TM6SF1: variants seen among roughly 807,000 people sequenced by gnomAD.
TM6SF1 encodes the protein transmembrane 6 superfamily member 1.
Under a neutral mutation model 47.1 loss-of-function variants are expected in TM6SF1, and 43 were observed. That is an observed-to-expected ratio of 0.91 (90% CI 0.72 to 1.18). The LOEUF (loss-of-function observed/expected upper bound fraction) is 1.18. Ranked by LOEUF, TM6SF1 falls within the 50% of genes most tolerant of loss-of-function variation. TM6SF1 has a pLI of 0.00. For missense variants in TM6SF1, 390 were observed against 449.0 expected (o/e 0.87, Z 1.19); for synonymous variants, 177 against 166.3 (o/e 1.06, Z -0.49).
At position 83,112,888 on chromosome 15, in the gene TM6SF1, C is replaced by T. The variant is rs1414965721; in HGVS notation, c.184C>T (p.Pro62Ser). Residue 62 changes from proline to serine, a missense_variant, in exon 2 of 10, where the codon CCA becomes TCA. Physicochemically the swap from Pro to Ser is moderately conservative, Grantham distance 74. Coordinates refer to ENST00000322019, the MANE Select transcript of TM6SF1 (RefSeq NM_023003.5). ...VLVKRKPPRDPLFYVYAVFGF... is the reference protein window; with the variant it reads ...VLVKRKPPRDSLFYVYAVFGF... ...CGTCAAAAGAAAACCACCCCGGGAC[C>T]CACTGTTCTATGGTACGTCTCCACA... 1.9e-6 allele frequency: 3 copies of T among 1,613,542 alleles called. 1 individual carries two copies. The highest frequency in any genetic ancestry group is 2.5e-6 in the Non-Finnish European group (3 of 1,179,436).
In TM6SF1 at chr15:83,119,726, G is replaced by A. The variant is rs1195663562; in HGVS notation, c.398+45G>A. 1.9e-6 allele frequency: 3 copies of A among 1,611,960 alleles called. No homozygotes were observed. The Admixed American group carries it at 5.0e-5, about 27-fold the overall frequency. On this transcript the variant is annotated intron_variant, in intron 4 of 9. Coordinates refer to ENST00000322019, the MANE Select transcript of TM6SF1 (RefSeq NM_023003.5). ...GTGTGCCTTTGCCACCTTAGCAACC[G>A]ATAAGCGGGTATGTAAGGAAACGTT... is the stretch of plus-strand genomic sequence containing the variant.
intron 3 of TM6SF1, among the ~76,000 whole-genome samples, chr15:83,116,728 G>C (rs982755664): frequency 3.9e-5 from 6 of 152,306 alleles, no homozygotes; most frequent in Admixed American, 1.3e-4. Context: ...GTGGCTGGAT[G>C]GAGGCAGCGC....
At chr15:83,130,037 G>A (rs1402846931) in intron 9 of TM6SF1, 3 of 152,276 alleles carry the variant, frequency 2.0e-5, no homozygotes, top group African/African-American at 2.4e-5. Context: ...TGCACAATCA[G>A]GCCTCCTCTG....
At position 83,124,783 on chromosome 15, in the gene TM6SF1, A is replaced by G. The variant is rs779066184; in HGVS notation, c.708+7A>G. 17 of 1,592,222 alleles carry G rather than the reference A, an allele frequency of 1.1e-5. No homozygotes were observed. In the East Asian group the frequency reaches 1.1e-4, roughly 10 times the overall value. On this transcript the variant is annotated splice_region_variant and intron_variant, in intron 7 of 9. Transcript: ENST00000322019. ...TTGCCTGTTCAGAGGTTTGGTAAGC[A>G]TAACAGATCATAATAACGTAACATT...
chr15:83,128,236 T>A (rs575771067), intron 9 of TM6SF1: 16 of 152,362 alleles, frequency 1.1e-4, no homozygotes, highest in African/African-American at 3.8e-4. Flanking sequence ...GTCAATTATA[T>A]GCATGGTATA....
chr15:83,115,885 C>T lies in TM6SF1; in HGVS notation c.237C>T (p.Ile79=). The part of the protein sequence containing the change: ...VFGFTSVVNL[I]IGLEQDGIID... The stretch of plus-strand genomic sequence containing the variant: ...GATTTACCAGCGTGGTGAACCTCAT[C>T]ATAGGACTGGAGCAAGATGGAATCA... The change falls in exon 3 of 10, where the codon ATC becomes ATT. Residue 79 remains isoleucine (I), a synonymous_variant. Coordinates refer to ENST00000322019, the MANE Select transcript of TM6SF1 (RefSeq NM_023003.5). The T allele has an allele frequency of 6.2e-7, 1 of 1,614,202 alleles. No individual in the cohort carries two copies. Among genetic ancestry groups the T allele is most frequent in the Non-Finnish European group, 8.5e-7 (1 of 1,180,024 alleles).
intron 4 of TM6SF1, among the ~76,000 whole-genome samples, chr15:83,120,812 C>T (rs1482378542): frequency 2.0e-5 from 3 of 151,896 alleles, no homozygotes; most frequent in Non-Finnish European, 4.4e-5. Flanking sequence ...GTGATCTGCC[C>T]GCCTCAGCCT....
intron 3 of TM6SF1, among the ~76,000 whole-genome samples, chr15:83,118,254 C>A (rs369251791): frequency 1.3e-5 from 2 of 151,510 alleles, no homozygotes; most frequent in Non-Finnish European, 2.9e-5. Flanking sequence ...CACACACACA[C>A]ACACACACAC....
intron 8 of TM6SF1, 134 bp from the exon 9 acceptor site, chr15:83,127,220 TAAAA>T: frequency 1.5e-6 from 1 of 649,060 alleles, no homozygotes; most frequent in Non-Finnish European, 2.2e-6. Flanking sequence ...AAAATAAAAG[TAAAA>T]AAAAAAAAAG....
rs755264960 is a variant in TM6SF1 at position 83,112,833 on chromosome 15, G to A, written c.129G>A (p.Leu43=). ...WTIVGVAALI[L]FLVALLARVL... is the part of the protein sequence containing the mutation. ...TTGTAGGGGTTGCTGCCCTCATCCT[G>A]TTCCTGGTAGCACTGCTGGCTCGTG... The change falls in exon 2 of 10, where the codon CTG becomes CTA. Residue 43 remains leucine (L), a synonymous_variant. Transcript: ENST00000322019. The A allele has an allele frequency of 1.2e-6, 2 of 1,614,156 alleles. No homozygotes were observed. The highest frequency in any genetic ancestry group is 1.7e-6 in the Non-Finnish European group (2 of 1,180,004).
intron 8 of TM6SF1, 51 bp from the exon 9 acceptor site, chr15:83,127,307 G>A (rs2035857397): frequency 3.3e-6 from 5 of 1,523,142 alleles, no homozygotes; most frequent in Non-Finnish European, 4.4e-6. Flanking sequence ...TTTTAGTCAG[G>A]CCAAGTTAAC....
chr15:83,135,559 G>T (rs1296357429), intron 9 of TM6SF1: 1 of 152,148 alleles, frequency 6.6e-6, no homozygotes. Context: ...GCCTTCTGAG[G>T]AAATTTTCTG....
At chr15:83,126,948 T>G (rs1007946226) in intron 8 of TM6SF1, 101 bp downstream of exon 8, 2 of 881,590 alleles carry the variant, frequency 2.3e-6, no homozygotes, top group Admixed American at 2.2e-5. Flanking sequence ...ATCCCAGCAC[T>G]TTGGGAGGCC....
intron 6 of TM6SF1, among the ~76,000 whole-genome samples, chr15:83,124,185 T>C (rs2035523655): frequency 6.6e-6 from 1 of 152,162 alleles, no homozygotes; most frequent in Non-Finnish European, 1.5e-5. Flanking sequence ...AGGCAGATGT[T>C]GAGAGCAAAA....
At position 83,107,743 on chromosome 15, in the gene TM6SF1, T is replaced by C; in HGVS notation, c.63T>C (p.Tyr21=). The change falls in exon 1 of 10, where the codon TAT becomes TAC. Residue 21 remains tyrosine, a synonymous_variant. Coordinates refer to ENST00000322019, the MANE Select transcript of TM6SF1 (RefSeq NM_023003.5). This position sits in a 1 kb window ranked among gnomAD's most constrained non-coding sequence, Gnocchi z 5.6. The stretch of plus-strand genomic sequence containing the variant: ...CCCTCTCGGCCATCCCGGTCACCTA[T>C]GTCTTCAACCACCTGGCGGCCCAGC... The part of the protein sequence containing the change: ...VLSLSAIPVT[Y]VFNHLAAQHD... The C allele has an allele frequency of 1.3e-6, 2 of 1,583,868 alleles. No homozygotes were observed. Among genetic ancestry groups the C allele is most frequent in the Non-Finnish European group, 1.7e-6 (2 of 1,166,648 alleles).
intron 4 of TM6SF1, 23 bp from the exon 5 acceptor site, chr15:83,121,898 T>C: frequency 6.4e-7 from 1 of 1,567,410 alleles, no homozygotes; most frequent in South Asian, 1.2e-5. Context: ...CAAGTCAAGA[T>C]TTTTTTGTTG....
intron 3 of TM6SF1, among the ~76,000 whole-genome samples, chr15:83,117,951 G>A (rs2034829775): frequency 6.6e-6 from 1 of 152,104 alleles, no homozygotes; most frequent in Non-Finnish European, 1.5e-5. Context: ...GAATTGCCGG[G>A]GTGACATCGT....
chr15:83,126,110 G>A (rs943708644), intron 7 of TM6SF1, among the ~76,000 whole-genome samples: 2 of 152,126 alleles, frequency 1.3e-5, no homozygotes, highest in African/African-American at 4.8e-5. Context: ...GGTGGGTAGG[G>A]CTTTTGGATT....
At position 83,107,887 on chromosome 15, in the gene TM6SF1, G is replaced by A. The variant is rs934748859; in HGVS notation, c.92+115G>A. 7 of 1,330,414 alleles carry A rather than the reference G, an allele frequency of 5.3e-6. No individual in the cohort carries two copies. The African/African-American group carries it at 9.2e-5, about 18-fold the overall frequency. The allele number at this position is 1,330,414 out of a possible 1,614,324, so 82.4% of individuals were successfully genotyped here. ...TGGGACCGTCCGCCGCGGGACAGAG[G>A]TTCGTGGCCGCAGGGGCTCCCCGCG... On this transcript the variant is annotated intron_variant, in intron 1 of 9. Transcript: ENST00000322019. The surrounding 1 kb of genome is among the most constrained non-coding windows in gnomAD (Gnocchi z 5.6).
Sources: allele counts gnomAD v4.1 joint callset (sites outside exome capture counted in the v4.1 genomes callset), GRCh38; gene constraint gnomAD v4.1.1; non-coding constraint Gnocchi (gnomAD v3.1); transcripts MANE v1.5; gene names NCBI Gene and HGNC (gene_info 2026-07-23, HGNC 2026-07-21).